OLA1: variants seen among roughly 807,000 people sequenced by gnomAD.
OLA1 encodes the protein obg-like ATPase 1.
OLA1 carries 14 observed loss-of-function variants against 48.4 expected under a neutral mutation model. The observed-to-expected ratio is 0.29, with a 90% confidence interval of 0.19 to 0.45. The LOEUF (loss-of-function observed/expected upper bound fraction) is 0.45. Ranked by LOEUF, OLA1 falls within the 20% of genes least tolerant of loss-of-function variation. The probability of loss-of-function intolerance (pLI) is 1.00; values close to 1 mark genes in which losing one functional copy is unlikely to be tolerated. For synonymous variants in OLA1, 127 were observed against 150.4 expected, an observed-to-expected ratio of 0.84 and a Z score of 1.14; for missense variants, 325 against 467.1, an observed-to-expected ratio of 0.70 and a Z score of 2.80.
chr2:174,145,325 T>C (rs1686568013), intron 4 of OLA1, among the ~76,000 whole-genome samples: 1 of 151,616 alleles, frequency 6.6e-6, no homozygotes, highest in Non-Finnish European at 1.5e-5. Flanking sequence ...ATAAACAGAG[T>C]TTCTAGGGTT....
chr2:174,135,861 C>T (rs966878084), intron 5 of OLA1, among the ~76,000 whole-genome samples: 1 of 152,146 alleles, frequency 6.6e-6, no homozygotes, highest in Non-Finnish European at 1.5e-5. Context: ...AAGTGAGTAT[C>T]GCTATAAAGC....
chr2:174,140,717 T>C (rs1243909495), intron 5 of OLA1, among the ~76,000 whole-genome samples: 1 of 152,018 alleles, frequency 6.6e-6, no homozygotes, highest in Non-Finnish European at 1.5e-5. Context: ...TAAGCATCTG[T>C]TAGTCTGACT....
intron 4 of OLA1, among the ~76,000 whole-genome samples, chr2:174,217,132 TG>T (rs1334462257): frequency 6.6e-6 from 1 of 152,206 alleles, no homozygotes. Context: ...CTTCCAAGAC[TG>T]ATGTATCAGA....
intron 4 of OLA1, among the ~76,000 whole-genome samples, chr2:174,211,720 C>T (rs1688248397): frequency 6.6e-6 from 1 of 152,008 alleles, no homozygotes; most frequent in Admixed American, 6.6e-5. Flanking sequence ...AAATTTTTTT[C>T]TATGCTTATA....
At chr2:174,171,283 G>A (rs555255110) in intron 4 of OLA1, among the ~76,000 whole-genome samples, 17 of 152,208 alleles carry the variant, frequency 1.1e-4, no homozygotes, top group African/African-American at 3.4e-4. Flanking sequence ...CATCTTGAAC[G>A]AAATATTTAT....
chr2:174,200,766 T>C (rs1459054683), intron 4 of OLA1, among the ~76,000 whole-genome samples: 2 of 152,174 alleles, frequency 1.3e-5, no homozygotes, highest in Non-Finnish European at 2.9e-5. Context: ...TTCTTTTTTT[T>C]TTAATCCCAT....
intron 7 of OLA1, among the ~76,000 whole-genome samples, chr2:174,105,213 G>A (rs1377212776): frequency 1.3e-5 from 2 of 151,790 alleles, no homozygotes; most frequent in African/African-American, 4.8e-5. Context: ...AGAAAAAGAA[G>A]GGAAAAACTA....
intron 4 of OLA1, among the ~76,000 whole-genome samples, chr2:174,189,624 A>T (rs1436643299): frequency 1.3e-5 from 2 of 152,182 alleles, no homozygotes; most frequent in African/African-American, 4.8e-5. Flanking sequence ...TGCAGGTTTA[A>T]CACATTCTGC....
chr2:174,233,427 G>A (rs1688775692), intron 2 of OLA1, among the ~76,000 whole-genome samples: 1 of 152,218 alleles, frequency 6.6e-6, no homozygotes, highest in Non-Finnish European at 1.5e-5. Flanking sequence ...CGGCTAGAGT[G>A]CAGTGTCACG....
chr2:174,241,710 A>G (rs181517727), intron 2 of OLA1, among the ~76,000 whole-genome samples: 322 of 152,322 alleles, frequency 2.1e-3, no homozygotes, highest in African/African-American at 7.5e-3. Flanking sequence ...ATCTTGGTTC[A>G]CTGCAACCTC....
intron 4 of OLA1, among the ~76,000 whole-genome samples, chr2:174,167,647 T>C (rs1435903523): frequency 6.6e-6 from 1 of 152,180 alleles, no homozygotes; most frequent in Non-Finnish European, 1.5e-5. Flanking sequence ...GTAATTAAGG[T>C]ATGATGGTAA....
intron 4 of OLA1, among the ~76,000 whole-genome samples, chr2:174,200,401 G>GCAGTTAGAAAAAGCAGTTAGA (rs1187864237): frequency 3.9e-4 from 59 of 152,254 alleles, no homozygotes; most frequent in African/African-American, 1.3e-3. Flanking sequence ...AGTTGAGTGA[G>GCAGTTAGAAAAAGCAGTTAGA]AAAGATTATA....
At chr2:174,189,764 C>T (rs1350605865) in intron 4 of OLA1, among the ~76,000 whole-genome samples, 1 of 151,738 alleles carries the variant, frequency 6.6e-6, no homozygotes, top group Non-Finnish European at 1.5e-5. Flanking sequence ...CCCAACAATC[C>T]CATTTTTGTA....
intron 4 of OLA1, chr2:174,172,051 A>C (rs752360824): frequency 3.5e-5 from 7 of 199,242 alleles, no homozygotes; most frequent in Non-Finnish European, 5.4e-5. Context: ...GTTCAATGTA[A>C]GAAAAGGATA....
At chr2:174,155,748 A>G (rs544184043) in intron 4 of OLA1, among the ~76,000 whole-genome samples, 48 of 152,350 alleles carry the variant, frequency 3.2e-4, no homozygotes, top group African/African-American at 1.2e-3. Context: ...AAAAAAGAGA[A>G]AAAAGACAGA....
At chr2:174,220,153 T>C (rs139167010) in intron 4 of OLA1, among the ~76,000 whole-genome samples, 48 of 152,176 alleles carry the variant, frequency 3.2e-4, no homozygotes, top group African/African-American at 9.1e-4. Context: ...TAAAATCCTT[T>C]AGATTTAAGC....
chr2:174,081,274 C>T (rs1295936672), intron 8 of OLA1, 26 bp from the exon 9 acceptor site: 1 of 1,559,462 alleles, frequency 6.4e-7, no homozygotes. Context: ...ACAAATTCAC[C>T]CAACACATAA....
At chr2:174,140,907 C>CATTTA (rs1574504291) in intron 5 of OLA1, among the ~76,000 whole-genome samples, 1 of 151,946 alleles carries the variant, frequency 6.6e-6, no homozygotes, top group East Asian at 1.9e-4. Context: ...TTACTAGTTT[C>CATTTA]ATTTTATTTT....
At chr2:174,171,649 A>G (rs930563380) in intron 4 of OLA1, among the ~76,000 whole-genome samples, 4 of 152,262 alleles carry the variant, frequency 2.6e-5, no homozygotes, top group African/African-American at 9.6e-5. Context: ...TTAAATAATC[A>G]TATTAGAAAA....
Sources: allele counts gnomAD v4.1 joint callset (sites outside exome capture counted in the v4.1 genomes callset), GRCh38; gene constraint gnomAD v4.1.1; transcripts MANE v1.5; gene names NCBI Gene and HGNC (gene_info 2026-07-23, HGNC 2026-07-21).